Variants in ERFE observed in about 807,000 individuals in gnomAD.
ERFE encodes complement C1q tumor necrosis factor-related protein 15.
ERFE carries 25 observed loss-of-function variants against 26.6 expected under a neutral mutation model. The observed-to-expected ratio is 0.94, with a 90% CI of 0.69 to 1.31. The LOEUF is 1.31. ERFE is among the 40% of genes most tolerant of loss of function. The pLI is 0.00. For synonymous variants in ERFE, 206 were observed against 204.5 expected (o/e 1.01, Z -0.06); for missense variants, 447 against 440.2 (o/e 1.02, Z -0.14).
Position 238,162,847 on chromosome 2 carries a change from G to A in ERFE, c.424+9G>A, listed in dbSNP as rs2106319763. On this transcript the variant is annotated intron_variant, in intron 3 of 7. Coordinates refer to ENST00000546354, the MANE Select transcript of ERFE (RefSeq NM_001291832.2). Reference sequence around the variant, plus strand: ...CCAGCTGCTGCTGAAAGGTAGGGGTGTGCACCGGCTGGGACACACACACCC... The same window carrying A: ...CCAGCTGCTGCTGAAAGGTAGGGGTATGCACCGGCTGGGACACACACACCC... 6.5e-7 allele frequency: 1 copy of A among 1,547,474 alleles called. No homozygotes were observed. The highest frequency in any genetic ancestry group is 8.7e-7 in the Non-Finnish European group (1 of 1,144,730).
In ERFE at chr2:238,159,166, C is replaced by T. The variant is rs1280331630; in HGVS notation, c.159C>T (p.Gly53=). 1.4e-5 allele frequency: 3 copies of T among 213,098 alleles called. No individual in the cohort carries two copies. Among genetic ancestry groups the T allele is most frequent in the African/African-American group, 2.4e-5 (1 of 42,410 alleles). The allele number at this position is 213,098 out of a possible 1,614,324, so 13.2% of individuals were successfully genotyped here. ...EPPPGNELPR[G]PGESRAGPAA... The stretch of plus-strand genomic sequence containing the variant: ...CGCCCGGGAACGAGCTGCCCCGGGG[C>T]CCCGGGGAGAGCCGCGCGGGGCCGG... The change falls in exon 1 of 8, where the codon GGC becomes GGT. Residue 53 remains glycine, a synonymous_variant. Transcript: ENST00000546354.
At chr2:238,160,101 G>A (rs1034171784) in intron 1 of ERFE, among the ~76,000 whole-genome samples, 1 of 152,252 alleles carries the variant, frequency 6.6e-6, no homozygotes, top group Non-Finnish European at 1.5e-5. Flanking sequence ...GCAGCCAAAT[G>A]TCAGGGCACT....
chr2:238,159,313 C>T, intron 1 of ERFE, 108 bp downstream of exon 1: 1 of 166,648 alleles, frequency 6.0e-6, no homozygotes, highest in Non-Finnish European at 1.3e-5. Context: ...CCGAGGGCTG[C>T]TGCATCGCCT....
At chr2:238,164,519 C>T in intron 6 of ERFE, 159 bp downstream of exon 6, 4 of 653,380 alleles carry the variant, frequency 6.1e-6, no homozygotes, top group South Asian at 1.9e-5. Context: ...CTACTTCTGC[C>T]CCTATCAGGC....
At position 238,168,472 on chromosome 2, in the gene ERFE, C is replaced by T. The variant is rs1285182296; in HGVS notation, c.*1418C>T. 2 of 470,844 alleles carry T rather than the reference C, an allele frequency of 4.2e-6. No individual in the cohort carries two copies. Among genetic ancestry groups the T allele is most frequent in the African/African-American group, 2.0e-5 (1 of 50,056 alleles). 29.2% of individuals were successfully genotyped at this position (470,844 alleles called of 1,614,324 possible). On this transcript the variant is annotated 3_prime_UTR_variant, in exon 8 of 8. Transcript: ENST00000546354. ...AGGGAGCAATGGCCAGTCACCTTCA[C>T]CTTCTAACTAACTAGCCTCCGGATG...
chr2:238,161,720 AG>A lies in ERFE; in HGVS notation c.321+6del. 1.3e-6 allele frequency: 2 copies of A among 1,539,934 alleles called. No homozygotes were observed. The highest frequency in any genetic ancestry group is 1.8e-6 in the Non-Finnish European group (2 of 1,138,518). The stretch of plus-strand genomic sequence containing the variant: ...GGGCAAGGCCAAGAAGCTGAAGGTG[AG>A]GCCGGCATCCCGTCAGTGCCAGGCC... On this transcript the variant is annotated splice_donor_5th_base_variant and intron_variant, in intron 2 of 7. Transcript: ENST00000546354.
At chr2:238,162,237 G>C (rs979954619) in intron 2 of ERFE, among the ~76,000 whole-genome samples, 2 of 152,212 alleles carry the variant, frequency 1.3e-5, no homozygotes, top group African/African-American at 4.8e-5. Context: ...AGGCCAGCTC[G>C]GAGTGCATGA....
chr2:238,165,447 C>T, intron 6 of ERFE, 159 bp from the exon 7 acceptor site: 1 of 615,952 alleles, frequency 1.6e-6, no homozygotes, highest in Non-Finnish European at 3.0e-6. Flanking sequence ...GTCCTTCCTC[C>T]TCTTGGGGAC....
intron 7 of ERFE, 139 bp from the exon 8 acceptor site, chr2:238,166,817 C>A: frequency 1.4e-6 from 1 of 698,266 alleles, no homozygotes; most frequent in Non-Finnish European, 2.4e-6. Context: ...GTGACCTTGG[C>A]GGCCACATTC....
chr2:238,164,704 A>C, intron 6 of ERFE: 1 of 274,552 alleles, frequency 3.6e-6, no homozygotes, highest in Non-Finnish European at 6.9e-6. Flanking sequence ...AATACAAAAA[A>C]TTACCCGGGC....
rs1692893293 is a variant in ERFE, at chr2:238,158,986, C to G, written c.-22C>G. On this transcript the variant is annotated 5_prime_UTR_variant, in exon 1 of 8. Coordinates refer to ENST00000546354, the MANE Select transcript of ERFE (RefSeq NM_001291832.2). ...GGCGTCCGAGACGCCGCGCTCGGAGCCGCGAGGGAACCGCCGCCCGCATGG... is the reference window on the plus strand; with the variant it reads ...GGCGTCCGAGACGCCGCGCTCGGAGGCGCGAGGGAACCGCCGCCCGCATGG... 4.0e-6 allele frequency: 1 copy of G among 249,948 alleles called. No homozygotes were observed. Among genetic ancestry groups the G allele is most frequent in the Non-Finnish European group, 7.6e-6 (1 of 132,064 alleles). 15.5% of individuals were successfully genotyped at this position (249,948 alleles called of 1,614,324 possible).
At chr2:238,161,456 C>A (rs1186779387) in intron 1 of ERFE, 138 bp from the exon 2 acceptor site, 1 of 1,158,464 alleles carries the variant, frequency 8.6e-7, no homozygotes, top group Non-Finnish European at 1.1e-6. Context: ...TTGGGAGCTG[C>A]CTTTGAGGGC....
intron 1 of ERFE, 110 bp from the exon 2 acceptor site, chr2:238,161,484 C>A: frequency 7.5e-7 from 1 of 1,331,094 alleles, no homozygotes; most frequent in Non-Finnish European, 9.8e-7. Flanking sequence ...GTGACAAGGA[C>A]CAGGGTCCCA....
chr2:238,164,322 C>A lies in ERFE; in HGVS notation c.849C>A (p.Arg283=). ...CGCCGCGCCCCCGGGACCACCTGCG[C>A]CTGCTCATCTGCATCCAGTCCCGGT... is the stretch of plus-strand genomic sequence containing the variant. ...RGPPRPRDHL[R]LLICIQSRCQ... Residue 283 remains arginine, a synonymous_variant, in exon 6 of 8, where the codon CGC becomes CGA. Coordinates refer to ENST00000546354, the MANE Select transcript of ERFE (RefSeq NM_001291832.2). 1 of 1,534,774 alleles carries A rather than the reference C, an allele frequency of 6.5e-7. No homozygotes were observed.
intron 6 of ERFE, 97 bp downstream of exon 6, chr2:238,164,457 C>T (rs1692999784): frequency 1.8e-5 from 22 of 1,254,636 alleles, no homozygotes; most frequent in Non-Finnish European, 2.3e-5. Flanking sequence ...TCCGCCCGTT[C>T]ACACCCCACC....
chr2:238,161,229 G>T (rs985469125), intron 1 of ERFE, among the ~76,000 whole-genome samples: 4 of 152,314 alleles, frequency 2.6e-5, no homozygotes, highest in African/African-American at 9.6e-5. Flanking sequence ...TCCTCCTGGT[G>T]ACTGGAGGAC....
Position 238,164,196 on chromosome 2 carries a change from G to A in ERFE, c.796+13G>A, listed in dbSNP as rs900613411. On this transcript the variant is annotated intron_variant, in intron 5 of 7. Transcript: ENST00000546354. ...ACGCTGCACGTGGGTGAGGCCCGGG[G>A]CGTGGGAGGATCGCCCGCTCTGTCG... 5 of 1,435,488 alleles carry A rather than the reference G, an allele frequency of 3.5e-6. No individual in the cohort carries two copies. In the African/African-American group the frequency reaches 6.0e-5, roughly 17 times the overall value. 88.9% of individuals were successfully genotyped at this position (1,435,488 alleles called of 1,614,324 possible).
Position 238,162,750 on chromosome 2 carries a change from G to GC in ERFE, c.341dup (p.Gly115TrpfsTer195). Reference sequence around the variant, plus strand: ...TTCCCTTTCAGTTCGGCTTGCCAGGGCCCCCTGGGCCTCCCGGTCCCCAGG... The same window carrying GC: ...TTCCCTTTCAGTTCGGCTTGCCAGGGCCCCCCTGGGCCTCCCGGTCCCCAGG... On this transcript the variant is annotated frameshift_variant, in exon 3 of 8. Transcript: ENST00000546354. LOFTEE classifies it high-confidence loss of function. 1.3e-6 allele frequency: 2 copies of GC among 1,548,650 alleles called. No individual in the cohort carries two copies. Among genetic ancestry groups the GC allele is most frequent in the Non-Finnish European group, 1.7e-6 (2 of 1,145,274 alleles).
intron 6 of ERFE, among the ~76,000 whole-genome samples, chr2:238,165,034 T>C (rs1280185107): frequency 6.6e-6 from 1 of 152,062 alleles, no homozygotes; most frequent in East Asian, 1.9e-4. Context: ...TCCAGACAGC[T>C]TTCTGGAGGC....
Sources: gnomAD v4.1 joint callset for allele counts (sites outside exome capture counted in the v4.1 genomes callset) on GRCh38, gnomAD v4.1.1 for gene constraint, MANE v1.5 for transcripts, NCBI Gene and HGNC (gene_info 2026-07-23, HGNC 2026-07-21) for gene names.